The following PRDM5 variants were observed in gnomAD, a reference collection of about 807,000 sequenced individuals.
The protein encoded by PRDM5 is PR domain zinc finger protein 5.
PRDM5 carries 56 observed loss-of-function variants against 81.2 expected under a neutral mutation model. The observed-to-expected ratio is 0.69, with a 90% CI of 0.56 to 0.86. The LOEUF (loss-of-function observed/expected upper bound fraction) is 0.86, where lower values mean the gene tolerates loss of function less well. PRDM5 is among the 40% of genes least tolerant of loss of function. PRDM5 has a pLI of 0.00. For missense variants in PRDM5, 697 were observed against 770.1 expected, an observed-to-expected ratio of 0.91 and a Z score of 1.12; for synonymous variants, 267 against 256.4, an observed-to-expected ratio of 1.04 and a Z score of -0.39.
chr4:120,804,491 A>G (rs774014760), intron 8 of PRDM5, among the ~76,000 whole-genome samples: 5 of 152,246 alleles, frequency 3.3e-5, no homozygotes, highest in Non-Finnish European at 7.3e-5. Flanking sequence ...AGAAATTATA[A>G]CAAACTATCT....
At chr4:120,904,207 A>AAAAAAAAAAAAAAC (rs1561676162) in intron 2 of PRDM5, among the ~76,000 whole-genome samples, 1 of 141,302 alleles carries the variant, frequency 7.1e-6, no homozygotes, top group Non-Finnish European at 1.5e-5. Flanking sequence ...AAAAAAAAAC[A>AAAAAAAAAAAAAAC]AAAAAACCTC....
At position 120,698,847 on chromosome 4, in the gene PRDM5, C is replaced by A. The variant is rs139432400; in HGVS notation, c.1729-3572G>T. Among the ~76,000 whole-genome samples, 40 of 152,140 alleles carry A rather than the reference C, an allele frequency of 2.6e-4. 3 individuals carry two copies. The East Asian group carries it at 7.8e-3, about 29-fold the overall frequency. On this transcript the variant is annotated intron_variant, in intron 15 of 15. Coordinates refer to ENST00000264808, the MANE Select transcript of PRDM5 (RefSeq NM_018699.4). The stretch of plus-strand genomic sequence containing the variant: ...TCTCAAAGACATGAAGACATCTAAT[C>A]GTCTCCATCTCCACTGCCACCACCT...
chr4:120,773,271 G>A (rs1380604986), intron 13 of PRDM5, among the ~76,000 whole-genome samples: 1 of 151,890 alleles, frequency 6.6e-6, no homozygotes, highest in African/African-American at 2.4e-5. Context: ...AAGTGAGCCT[G>A]TCATTGAAAA....
Position 120,864,803 on chromosome 4 carries a change from T to C in PRDM5, c.178-11263A>G, listed in dbSNP as rs531901434. Reference sequence around the variant, plus strand: ...ACTCAGAATCTGACTAAAGCTCTTATGTCCTAACAATTAAATGGGAACAGA... The same window carrying C: ...ACTCAGAATCTGACTAAAGCTCTTACGTCCTAACAATTAAATGGGAACAGA... On this transcript the variant is annotated intron_variant, in intron 2 of 15. Transcript: ENST00000264808. Among the ~76,000 whole-genome samples, 64 of 152,358 alleles carry C rather than the reference T, an allele frequency of 4.2e-4. No individual in the cohort carries two copies. In the South Asian group the frequency reaches 0.013, roughly 32 times the overall value.
Position 120,693,782 on chromosome 4 carries a change from G to A in PRDM5, c.*1329C>T, listed in dbSNP as rs946782206. 6.6e-6 allele frequency: 1 copy of A among 152,070 alleles called. No homozygotes were observed. The highest frequency in any genetic ancestry group is 2.4e-5 in the African/African-American group (1 of 41,410). The allele number at this position is 152,070 out of a possible 1,614,324, so 9.4% of individuals were successfully genotyped here. On this transcript the variant is annotated 3_prime_UTR_variant, in exon 16 of 16. Transcript: ENST00000264808. ...TTCTTTTGACTGGGCTTCAGTTAGA[G>A]AGGTTCATGAGTTGGGCTTCATTTT...
intron 15 of PRDM5, among the ~76,000 whole-genome samples, chr4:120,705,040 G>A (rs1405496493): frequency 6.6e-6 from 1 of 152,144 alleles, no homozygotes; most frequent in Admixed American, 6.6e-5. Context: ...TAAGTGGTGG[G>A]AATTCACTAA....
intron 3 of PRDM5, among the ~76,000 whole-genome samples, chr4:120,840,072 G>C (rs1757827921): frequency 6.6e-6 from 1 of 152,236 alleles, no homozygotes; most frequent in Non-Finnish European, 1.5e-5. Flanking sequence ...GGGAGGCCTG[G>C]GTCCACAGCG....
intron 11 of PRDM5, among the ~76,000 whole-genome samples, chr4:120,782,274 G>T (rs2149242588): frequency 6.6e-6 from 1 of 152,144 alleles, no homozygotes; most frequent in African/African-American, 2.4e-5. Flanking sequence ...TATTAACATA[G>T]ATTCCCATAT....
downstream of PRDM5, among the ~76,000 whole-genome samples, chr4:120,688,144 T>A (rs1386422572): frequency 6.6e-6 from 1 of 152,114 alleles, no homozygotes; most frequent in Non-Finnish European, 1.5e-5. Flanking sequence ...CAATGGTTGT[T>A]ATATTTTCTT....
chr4:120,827,835 G>A (rs1156730920), intron 3 of PRDM5, among the ~76,000 whole-genome samples: 1 of 152,054 alleles, frequency 6.6e-6, no homozygotes, highest in African/African-American at 2.4e-5. Flanking sequence ...GTCACTTCAT[G>A]GCTATGTGGG....
rs906558549 is a variant in PRDM5 at position 120,700,074 on chromosome 4, C to T, written c.1729-4799G>A. Among the ~76,000 whole-genome samples, 9 of 152,234 alleles carry T rather than the reference C, an allele frequency of 5.9e-5. No homozygotes were observed. In the East Asian group the frequency reaches 1.2e-3, roughly 20 times the overall value. On this transcript the variant is annotated intron_variant, in intron 15 of 15. Coordinates refer to ENST00000264808, the MANE Select transcript of PRDM5 (RefSeq NM_018699.4). ...TATAAGGCTACAGTAACCAAAACAG[C>T]AGGATGCTAGTACAAAATCAGACAC...
intron 1 of PRDM5, among the ~76,000 whole-genome samples, chr4:120,920,561 T>C (rs1323498088): frequency 2.6e-5 from 4 of 152,200 alleles, no homozygotes; most frequent in African/African-American, 9.7e-5. Flanking sequence ...TCAGCTAAAG[T>C]CTGCTGTTTG....
chr4:120,849,657 A>G (rs1474996645), intron 3 of PRDM5, among the ~76,000 whole-genome samples: 1 of 152,214 alleles, frequency 6.6e-6, no homozygotes, highest in Non-Finnish European at 1.5e-5. Context: ...AAATGTTCAA[A>G]TAATTAATAG....
intron 3 of PRDM5, among the ~76,000 whole-genome samples, chr4:120,844,044 C>T (rs975364229): frequency 2.6e-5 from 4 of 152,074 alleles, no homozygotes; most frequent in African/African-American, 4.8e-5. Context: ...GTGCATAGGC[C>T]GCTGCGGCCA....
intron 14 of PRDM5, among the ~76,000 whole-genome samples, chr4:120,712,489 G>GCTCTCAA (rs1239282315): frequency 6.6e-6 from 1 of 151,966 alleles, no homozygotes; most frequent in African/African-American, 2.4e-5. Context: ...TACAGGTGCC[G>GCTCTCAA]CTCTCAATTG....
chr4:120,718,241 T>C (rs1738082831), intron 14 of PRDM5, among the ~76,000 whole-genome samples: 1 of 152,198 alleles, frequency 6.6e-6, no homozygotes, highest in South Asian at 2.1e-4. Context: ...CTGGATTTCA[T>C]ATAAAATTTA....
At chr4:120,816,081 G>T (rs1342108577) in intron 7 of PRDM5, 1 of 261,436 alleles carries the variant, frequency 3.8e-6, no homozygotes, top group Non-Finnish European at 7.5e-6. Flanking sequence ...AAATAATAAG[G>T]CAGAAGGACA....
intron 2 of PRDM5, among the ~76,000 whole-genome samples, chr4:120,859,849 T>C (rs1760363110): frequency 6.6e-6 from 1 of 152,154 alleles, no homozygotes; most frequent in Non-Finnish European, 1.5e-5. Context: ...ACAAAACAAA[T>C]AACTCCTTCC....
At chr4:120,785,433 C>A (rs189287646) in intron 10 of PRDM5, among the ~76,000 whole-genome samples, 2 of 152,206 alleles carry the variant, frequency 1.3e-5, no homozygotes, top group Admixed American at 1.3e-4. Flanking sequence ...CTAAGCCTCC[C>A]CTATCACTGG....
Sources: gnomAD v4.1 joint callset for allele counts (sites outside exome capture counted in the v4.1 genomes callset) on GRCh38, gnomAD v4.1.1 for gene constraint, MANE v1.5 for transcripts, NCBI Gene and HGNC (gene_info 2026-07-23, HGNC 2026-07-21) for gene names.